The following LDLRAD3 variants were observed in gnomAD, a reference collection of about 807,000 sequenced individuals.
The protein encoded by LDLRAD3 is low density lipoprotein receptor class A domain containing 3.
Under a neutral mutation model 29.4 loss-of-function variants are expected in LDLRAD3, and 20 were observed. The observed-to-expected ratio is 0.68, with a 90% CI of 0.48 to 0.99. LDLRAD3 has a LOEUF of 0.99. Ranked by LOEUF, LDLRAD3 falls within the 50% of genes least tolerant of loss-of-function variation. LDLRAD3 has a pLI of 0.00. For missense variants in LDLRAD3, 420 were observed against 454.3 expected, an observed-to-expected ratio of 0.92 and a Z score of 0.69; for synonymous variants, 157 against 192.7, an observed-to-expected ratio of 0.81 and a Z score of 1.53.
intron 4 of LDLRAD3, among the ~76,000 whole-genome samples, chr11:36,212,835 C>T (rs1554974154): frequency 6.6e-6 from 1 of 152,128 alleles, no homozygotes; most frequent in Non-Finnish European, 1.5e-5. Context: ...GCCATTGATA[C>T]CAGTTGGCTG....
chr11:36,161,468 C>T (rs1461237106), intron 4 of LDLRAD3, among the ~76,000 whole-genome samples: 1 of 152,020 alleles, frequency 6.6e-6, no homozygotes, highest in Non-Finnish European at 1.5e-5. Flanking sequence ...TAAATACATA[C>T]CTGTAGATAT....
intron 2 of LDLRAD3, among the ~76,000 whole-genome samples, chr11:36,063,673 A>G (rs919141385): frequency 2.0e-5 from 3 of 152,212 alleles, no homozygotes; most frequent in African/African-American, 7.2e-5. Flanking sequence ...TGAAAAGACT[A>G]TCCAGTGAAT....
intron 4 of LDLRAD3, among the ~76,000 whole-genome samples, chr11:36,111,035 G>C (rs867143198): frequency 1.3e-5 from 2 of 152,190 alleles, no homozygotes; most frequent in African/African-American, 4.8e-5. Context: ...GTATGTGTGG[G>C]GAGTGGGAGA....
At chr11:36,228,399 G>C (rs951558799) in intron 5 of LDLRAD3, among the ~76,000 whole-genome samples, 16 of 152,324 alleles carry the variant, frequency 1.1e-4, no homozygotes, top group Non-Finnish European at 8.8e-5. Context: ...ATAGGGTAAG[G>C]TTAAAATTGC....
At chr11:36,147,897 G>A (rs1043972103) in intron 4 of LDLRAD3, among the ~76,000 whole-genome samples, 5 of 151,976 alleles carry the variant, frequency 3.3e-5, no homozygotes, top group African/African-American at 1.2e-4. Flanking sequence ...TTGAGACAGA[G>A]TTTCACTGTG....
chr11:36,063,710 A>G (rs1450090941), intron 2 of LDLRAD3, among the ~76,000 whole-genome samples: 2 of 152,236 alleles, frequency 1.3e-5, no homozygotes, highest in East Asian at 3.8e-4. Context: ...TCAAAAATCA[A>G]TTGACTAGAA....
intron 4 of LDLRAD3, among the ~76,000 whole-genome samples, chr11:36,138,189 G>A (rs1291112462): frequency 6.6e-6 from 1 of 152,178 alleles, no homozygotes; most frequent in Non-Finnish European, 1.5e-5. Flanking sequence ...AGAGATCTGG[G>A]TTCAAATCCT....
intron 2 of LDLRAD3, among the ~76,000 whole-genome samples, chr11:36,067,210 T>G (rs1475642647): frequency 1.3e-5 from 2 of 152,156 alleles, no homozygotes; most frequent in African/African-American, 4.8e-5. Flanking sequence ...CCTTTTGCAT[T>G]CTGGCCATTC....
intron 4 of LDLRAD3, among the ~76,000 whole-genome samples, chr11:36,145,919 T>TAAA (rs1477346896): frequency 1.3e-5 from 2 of 151,798 alleles, no homozygotes; most frequent in African/African-American, 4.8e-5. Flanking sequence ...TTTGTTCACT[T>TAAA]GTTTATCTGC....
rs749744878 is a variant in LDLRAD3 at position 36,227,075 on chromosome 11, G to T, written c.455-10G>T. 3 of 1,568,468 alleles carry T rather than the reference G, an allele frequency of 1.9e-6. No individual in the cohort carries two copies. Among genetic ancestry groups the T allele is most frequent in the Non-Finnish European group, 2.6e-6 (3 of 1,151,796 alleles). On this transcript the variant is annotated splice_polypyrimidine_tract_variant and intron_variant, in intron 4 of 5. Coordinates refer to ENST00000315571, the MANE Select transcript of LDLRAD3 (RefSeq NM_174902.4). ...CTTCTCTCTTTTCTCTCCTCTCTTG[G>T]GTTTCTCAGAACCCGGCAGTGGGCA...
intron 1 of LDLRAD3, among the ~76,000 whole-genome samples, chr11:36,009,479 A>T (rs1278735190): frequency 1.3e-5 from 2 of 152,202 alleles, no homozygotes; most frequent in African/African-American, 4.8e-5. Flanking sequence ...TACCTGAAAA[A>T]TTAGTTTCTA....
Position 36,062,065 on chromosome 11 carries a change from A to ATG in LDLRAD3, c.194-19588_194-19587insTG, listed in dbSNP as rs1404063695. The stretch of plus-strand genomic sequence containing the variant: ...ATTTAATCCTCCCAGCTACTCTGTA[A>ATG]GGTCAGTTTCATCTCCCATTTTACA... On this transcript the variant is annotated intron_variant, in intron 2 of 5. Transcript: ENST00000315571. Among the ~76,000 whole-genome samples the ATG allele has an allele frequency of 2.6e-5, 4 of 152,236 alleles. No homozygotes were observed. The East Asian group carries it at 7.7e-4, about 29-fold the overall frequency.
intron 1 of LDLRAD3, chr11:35,988,807 T>A (rs1357177945): frequency 6.6e-6 from 1 of 151,924 alleles, no homozygotes; most frequent in Non-Finnish European, 1.5e-5. Context: ...ATGATCTCGG[T>A]CTCCTGACCT....
intron 2 of LDLRAD3, among the ~76,000 whole-genome samples, chr11:36,048,209 G>T (rs529662607): frequency 6.6e-6 from 1 of 152,260 alleles, no homozygotes; most frequent in Admixed American, 6.5e-5. Flanking sequence ...AAATACTGTG[G>T]ATGTTCAGGT....
Position 36,229,293 on chromosome 11 carries a change from C to A in LDLRAD3, c.934C>A (p.Leu312Met). The part of the protein sequence containing the change: ...SASSQAASSL[L>M]SVEDTSHSPG... Reference sequence around the variant, plus strand: ...CAGCTCCCAGGCAGCCAGCAGCCTCCTGAGCGTGGAAGACACCAGCCACAG... The same window carrying A: ...CAGCTCCCAGGCAGCCAGCAGCCTCATGAGCGTGGAAGACACCAGCCACAG... The change falls in exon 6 of 6, where the codon CTG (leucine) becomes ATG (methionine). Residue 312 changes from leucine (L) to methionine (M), a missense_variant. This residue lies in a region of LDLRAD3 where 140 missense variants were observed against 139.9 expected (regional missense o/e 1.00). Coordinates refer to ENST00000315571, the MANE Select transcript of LDLRAD3 (RefSeq NM_174902.4). The A allele has an allele frequency of 6.2e-7, 1 of 1,614,086 alleles. No individual in the cohort carries two copies. The highest frequency in any genetic ancestry group is 1.1e-5 in the South Asian group (1 of 91,088).
At chr11:36,207,589 G>A (rs1160323254) in intron 4 of LDLRAD3, among the ~76,000 whole-genome samples, 3 of 152,132 alleles carry the variant, frequency 2.0e-5, no homozygotes, top group Non-Finnish European at 4.4e-5. Context: ...GGCTGAAGCT[G>A]CAGTAAGCCA....
At chr11:36,200,221 A>G (rs1221341930) in intron 4 of LDLRAD3, among the ~76,000 whole-genome samples, 2 of 152,114 alleles carry the variant, frequency 1.3e-5, no homozygotes, top group Non-Finnish European at 2.9e-5. Context: ...AAACAACAGA[A>G]ATTTTCAGTT....
chr11:36,180,101 A>G (rs552231333), intron 4 of LDLRAD3, among the ~76,000 whole-genome samples: 1 of 152,342 alleles, frequency 6.6e-6, no homozygotes, highest in Non-Finnish European at 1.5e-5. Flanking sequence ...AAAGTGCCAC[A>G]TTCAGTTCTG....
intron 3 of LDLRAD3, among the ~76,000 whole-genome samples, chr11:36,088,856 T>C (rs969417785): frequency 1.2e-4 from 18 of 152,172 alleles, no homozygotes; most frequent in African/African-American, 3.1e-4. Flanking sequence ...CATACAGGAC[T>C]TTCTTCAAAC....
Sources: gnomAD v4.1 joint callset for allele counts (sites outside exome capture counted in the v4.1 genomes callset) on GRCh38, gnomAD v4.1.1 for gene constraint, gnomAD v4.1.1 regional missense constraint, MANE v1.5 for transcripts, NCBI Gene and HGNC (gene_info 2026-07-23, HGNC 2026-07-21) for gene names.